TIMP2: variants seen among roughly 807,000 people sequenced by gnomAD.
TIMP2 encodes TIMP metallopeptidase inhibitor 2.
TIMP2 carries 5 observed loss-of-function variants against 24.3 expected under a neutral mutation model. The observed-to-expected ratio is 0.21, with a 90% CI of 0.11 to 0.43. The LOEUF (loss-of-function observed/expected upper bound fraction) is 0.43. Ranked by LOEUF, TIMP2 falls within the 20% of genes least tolerant of loss-of-function variation. The pLI is 1.00. For synonymous variants in TIMP2, 130 were observed against 123.2 expected, an observed-to-expected ratio of 1.06 and a Z score of -0.37; for missense variants, 221 against 297.5, an observed-to-expected ratio of 0.74 and a Z score of 1.89.
At chr17:78,893,210 CAT>C (rs2069934483) in intron 1 of TIMP2, among the ~76,000 whole-genome samples, 1 of 91,058 alleles carries the variant, frequency 1.1e-5, no homozygotes. Context: ...GATGTGTGTG[CAT>C]GTGTGTGCAG....
At chr17:78,885,355 G>A (rs929755740) in intron 1 of TIMP2, among the ~76,000 whole-genome samples, 4 of 152,258 alleles carry the variant, frequency 2.6e-5, no homozygotes, top group African/African-American at 9.6e-5. Context: ...AACCGTGCGG[G>A]GTACCTGGAA....
intron 1 of TIMP2, chr17:78,900,237 CA>C (rs1345690568): frequency 6.6e-6 from 1 of 152,168 alleles, no homozygotes; most frequent in African/African-American, 2.4e-5. Context: ...GCCACACAAA[CA>C]AGCTTATTAA....
rs113334234 is a variant in TIMP2, at chr17:78,921,014, T to C, written c.130+3945A>G. 2.6e-4 allele frequency among the ~76,000 whole-genome samples: 39 copies of C among 152,324 alleles called. 2 individuals are homozygous for C. Among genetic ancestry groups the C allele is most frequent in the African/African-American group, 9.1e-4 (38 of 41,570 alleles). On this transcript the variant is annotated intron_variant, in intron 1 of 4. Coordinates refer to ENST00000262768, the MANE Select transcript of TIMP2 (RefSeq NM_003255.5). ...AAACTGACAATACAGATCGATCACA[T>C]ACTTCGCACAACGAGTTGCCAACAG...
At chr17:78,901,812 G>C (rs972636912) in intron 1 of TIMP2, 16 of 717,062 alleles carry the variant, frequency 2.2e-5, no homozygotes, top group Non-Finnish European at 3.9e-5. Context: ...GACTGAGCTA[G>C]ACCACCCAGA....
At chr17:78,883,544 G>A (rs2069797157) in intron 1 of TIMP2, among the ~76,000 whole-genome samples, 1 of 152,214 alleles carries the variant, frequency 6.6e-6, no homozygotes, top group African/African-American at 2.4e-5. Context: ...TCAGGGAACA[G>A]AAGCGCAGCC....
chr17:78,859,214 T>C (rs2069549075), intron 3 of TIMP2, among the ~76,000 whole-genome samples: 2 of 152,228 alleles, frequency 1.3e-5, no homozygotes, highest in Admixed American at 6.5e-5. Context: ...CTTCTTTCTG[T>C]ACTTCCGGCT....
At chr17:78,918,649 C>G (rs951941199) in intron 1 of TIMP2, among the ~76,000 whole-genome samples, 1 of 152,154 alleles carries the variant, frequency 6.6e-6, no homozygotes, top group Non-Finnish European at 1.5e-5. Context: ...TTCAGACCCA[C>G]GGGCAACAAA....
intron 1 of TIMP2, among the ~76,000 whole-genome samples, chr17:78,913,243 C>T (rs899198143): frequency 2.0e-5 from 3 of 152,124 alleles, no homozygotes; most frequent in Non-Finnish European, 2.9e-5. Context: ...CTAACAACAG[C>T]GTTTGACCTG....
intron 1 of TIMP2, among the ~76,000 whole-genome samples, chr17:78,887,732 TG>T (rs1236677632): frequency 8.0e-6 from 1 of 125,358 alleles, no homozygotes; most frequent in African/African-American, 3.9e-5. Flanking sequence ...AATCTTTTTC[TG>T]GGGAAAAAAA....
intron 1 of TIMP2, among the ~76,000 whole-genome samples, chr17:78,905,799 G>C (rs929384164): frequency 6.6e-6 from 1 of 152,230 alleles, no homozygotes; most frequent in Non-Finnish European, 1.5e-5. Flanking sequence ...TCAGCCTTGA[G>C]AGTCTGGGTC....
intron 1 of TIMP2, among the ~76,000 whole-genome samples, chr17:78,894,011 G>A (rs2069959629): frequency 6.6e-6 from 1 of 152,184 alleles, no homozygotes; most frequent in Non-Finnish European, 1.5e-5. Context: ...CTTAGTCTAT[G>A]TGGAACCAGG....
rs980171339 is a variant in TIMP2, at chr17:78,891,245, T to C, written c.131-17326A>G. The C allele has an allele frequency of 7.1e-6, 11 of 1,550,702 alleles. No individual in the cohort carries two copies. Among genetic ancestry groups the C allele is most frequent in the Non-Finnish European group, 9.6e-6 (11 of 1,147,018 alleles). On this transcript the variant is annotated intron_variant, in intron 1 of 4. Transcript: ENST00000262768. The surrounding 1 kb of genome is among the most constrained non-coding windows in gnomAD (Gnocchi z 4.5). ...GCCCATGAACGTTTTCAAGTCGGTC[T>C]TGGACGCTGCCTGCTGCGCCTCCTC...
At chr17:78,922,528 G>A (rs558942530) in intron 1 of TIMP2, 1 of 152,260 alleles carries the variant, frequency 6.6e-6, no homozygotes, top group African/African-American at 2.4e-5. Flanking sequence ...AGAAGAACAG[G>A]GCAATTTGGC....
Position 78,892,399 on chromosome 17 carries a change from G to C in TIMP2, c.131-18480C>G, listed in dbSNP as rs892776428. On this transcript the variant is annotated intron_variant, in intron 1 of 4. Coordinates refer to ENST00000262768, the MANE Select transcript of TIMP2 (RefSeq NM_003255.5). ...GAAGGTGCTTGGAGCCAAGAGTGGA[G>C]GGTTCAAGGGGCGCCCCCGGGCCTG... The C allele has an allele frequency of 1.7e-5, 27 of 1,550,474 alleles. No individual in the cohort carries two copies. In the African/African-American group the frequency reaches 3.1e-4, roughly 18 times the overall value.
rs773913971 is a variant in TIMP2, at chr17:78,891,905, C to T, written c.131-17986G>A. 5.2e-6 allele frequency: 8 copies of T among 1,550,470 alleles called. No individual in the cohort carries two copies. The East Asian group carries it at 1.5e-4, about 28-fold the overall frequency. On this transcript the variant is annotated intron_variant, in intron 1 of 4. Coordinates refer to ENST00000262768, the MANE Select transcript of TIMP2 (RefSeq NM_003255.5). The surrounding 1 kb of genome is among the most constrained non-coding windows in gnomAD (Gnocchi z 4.5). ...TTTTGTAGTCTGTGGTTTCTCTGGA[C>T]TCGCTGCTGTCTTCCGGGGCCTGGA...
chr17:78,905,437 C>T (rs2070150069), intron 1 of TIMP2, among the ~76,000 whole-genome samples: 1 of 152,206 alleles, frequency 6.6e-6, no homozygotes, highest in Non-Finnish European at 1.5e-5. Flanking sequence ...AATACGGACC[C>T]ATAGATACAA....
intron 3 of TIMP2, among the ~76,000 whole-genome samples, chr17:78,870,408 T>A (rs1311909296): frequency 1.8e-5 from 2 of 110,166 alleles, no homozygotes; most frequent in Non-Finnish European, 3.8e-5. Flanking sequence ...AGAGCGACAC[T>A]CTGTCTCAAA....
At chr17:78,884,358 G>A (rs545944857) in intron 1 of TIMP2, among the ~76,000 whole-genome samples, 199 of 152,302 alleles carry the variant, frequency 1.3e-3, no homozygotes, top group African/African-American at 4.6e-3. Flanking sequence ...CGTGAGGTCC[G>A]GGCCCAGGCT....
intron 1 of TIMP2, among the ~76,000 whole-genome samples, chr17:78,889,860 C>A (rs2069862996): frequency 6.6e-6 from 1 of 152,226 alleles, no homozygotes; most frequent in Admixed American, 6.5e-5. Context: ...TGGCTCAAGT[C>A]TGTAATCCCA....
Sources: gnomAD v4.1 joint callset for allele counts (sites outside exome capture counted in the v4.1 genomes callset) on GRCh38, gnomAD v4.1.1 for gene constraint, Gnocchi (gnomAD v3.1) non-coding constraint, MANE v1.5 for transcripts, NCBI Gene and HGNC (gene_info 2026-07-23, HGNC 2026-07-21) for gene names.